TASP1: variants seen among roughly 807,000 people sequenced by gnomAD.
The protein encoded by TASP1 is taspase 1, also known as threonine aspartase 1.
Under a neutral mutation model 56.6 loss-of-function variants are expected in TASP1, and 16 were observed. The ratio of observed to expected loss-of-function variants is 0.28; its 90% CI spans 0.19 to 0.43. TASP1 has a LOEUF of 0.43. Ranked by LOEUF, TASP1 falls within the 20% of genes least tolerant of loss-of-function variation. The probability of loss-of-function intolerance (pLI) is 1.00; values close to 1 mark genes in which losing one functional copy is unlikely to be tolerated. For synonymous variants in TASP1, 179 were observed against 184.2 expected, an observed-to-expected ratio of 0.97 and a Z score of 0.23; for missense variants, 393 against 511.6, an observed-to-expected ratio of 0.77 and a Z score of 2.24.
chr20:13,503,252 A>C (rs920417756), intron 10 of TASP1, among the ~76,000 whole-genome samples: 2 of 151,986 alleles, frequency 1.3e-5, no homozygotes, highest in African/African-American at 4.8e-5. Context: ...CAAATTCTCT[A>C]TTCACAACAC....
At chr20:13,170,928 C>T in the TASP1 span, among the ~76,000 whole-genome samples, 1 of 152,126 alleles carries the variant, frequency 6.6e-6, no homozygotes, top group Non-Finnish European at 1.5e-5. Context: ...GTAATGGCTT[C>T]GCTGTGATGA....
chr20:13,454,133 C>A (rs1403647155), intron 11 of TASP1, among the ~76,000 whole-genome samples: 2 of 151,632 alleles, frequency 1.3e-5, no homozygotes, highest in Admixed American at 6.6e-5. Flanking sequence ...AGGAGACAGA[C>A]AGTAATCACA....
At chr20:13,278,398 C>G in the TASP1 span, among the ~76,000 whole-genome samples, 66,485 of 151,970 alleles carry the variant, frequency 0.44, 15,833 homozygotes, top group African/African-American at 0.64. Flanking sequence ...GGGAAAGCCT[C>G]GTCTTGAGGA....
At chr20:13,519,512 G>C (rs1256374734) in intron 10 of TASP1, among the ~76,000 whole-genome samples, 1 of 152,094 alleles carries the variant, frequency 6.6e-6, no homozygotes, top group East Asian at 1.9e-4. Flanking sequence ...CAGAACCAAT[G>C]ACAAAAACCA....
At chr20:13,523,975 C>T (rs1341668986) in intron 10 of TASP1, among the ~76,000 whole-genome samples, 1 of 151,960 alleles carries the variant, frequency 6.6e-6, no homozygotes, top group African/African-American at 2.4e-5. Context: ...ACAGCAAGAT[C>T]CTGTCTCTAC....
At chr20:13,220,213 G>C in the TASP1 span, among the ~76,000 whole-genome samples, 2 of 152,206 alleles carry the variant, frequency 1.3e-5, no homozygotes, top group Non-Finnish European at 2.9e-5. Context: ...GTCCCGGCCG[G>C]ACTGAGCGTC....
the TASP1 span, among the ~76,000 whole-genome samples, chr20:13,337,089 G>T: frequency 3.3e-5 from 5 of 152,188 alleles, no homozygotes; most frequent in African/African-American, 1.2e-4. Context: ...AGGGATTCTG[G>T]GGTTTTGTAA....
the TASP1 span, among the ~76,000 whole-genome samples, chr20:13,137,944 G>C: frequency 6.6e-6 from 1 of 152,148 alleles, no homozygotes; most frequent in East Asian, 1.9e-4. Context: ...AACAGGTGCA[G>C]AGCCAAAACT....
chr20:13,529,100 A>G (rs1252769035), intron 9 of TASP1, among the ~76,000 whole-genome samples: 1 of 152,152 alleles, frequency 6.6e-6, no homozygotes, highest in African/African-American at 2.4e-5. Context: ...GTTCTGTACC[A>G]AAGGGCCCAA....
At chr20:13,626,244 G>A (rs970865602) in intron 2 of TASP1, among the ~76,000 whole-genome samples, 6 of 152,110 alleles carry the variant, frequency 3.9e-5, no homozygotes, top group African/African-American at 1.4e-4. Flanking sequence ...GGCCAACATG[G>A]AGAAACCCCA....
At chr20:13,622,325 G>C (rs182613773) in intron 4 of TASP1, among the ~76,000 whole-genome samples, 1 of 152,326 alleles carries the variant, frequency 6.6e-6, no homozygotes, top group Admixed American at 6.5e-5. Flanking sequence ...ATGACTGGTA[G>C]AGCTGGTATG....
At chr20:13,408,991 TTTGA>T (rs1318241190) in intron 13 of TASP1, among the ~76,000 whole-genome samples, 2 of 152,078 alleles carry the variant, frequency 1.3e-5, no homozygotes, top group African/African-American at 4.8e-5. Flanking sequence ...GCATTCTTAT[TTTGA>T]TTATTTTCTA....
the TASP1 span, among the ~76,000 whole-genome samples, chr20:13,104,805 G>C: frequency 6.6e-6 from 1 of 152,050 alleles, no homozygotes; most frequent in Non-Finnish European, 1.5e-5. Context: ...TTTAATTTCC[G>C]TATCTCAGAA....
Position 13,390,327 on chromosome 20 carries a change from G to A in TASP1, c.*33C>T. ...CCCCCAAAAGCTCAGGTTCTGAAAT[G>A]CCTCTGAGACGCTTCACACTCAGCC... On this transcript the variant is annotated 3_prime_UTR_variant, in exon 14 of 14. Transcript: ENST00000337743. 1.9e-6 allele frequency: 3 copies of A among 1,591,574 alleles called. No homozygotes were observed. Among genetic ancestry groups the A allele is most frequent in the Non-Finnish European group, 2.6e-6 (3 of 1,161,834 alleles).
chr20:13,533,517 T>C (rs1408630925), intron 9 of TASP1, among the ~76,000 whole-genome samples: 1 of 152,160 alleles, frequency 6.6e-6, no homozygotes, highest in African/African-American at 2.4e-5. Context: ...AGTGGTATCA[T>C]GTGTTGGTGA....
At chr20:13,377,219 T>C in the TASP1 span, among the ~76,000 whole-genome samples, 1 of 152,224 alleles carries the variant, frequency 6.6e-6, no homozygotes, top group Admixed American at 6.5e-5. Context: ...TTGCCATAAA[T>C]AGCTCTTATT....
At chr20:13,303,080 C>T in the TASP1 span, among the ~76,000 whole-genome samples, 2 of 152,192 alleles carry the variant, frequency 1.3e-5, no homozygotes, top group East Asian at 3.9e-4. Flanking sequence ...ATTATTACAT[C>T]CAGTCTATAG....
intron 4 of TASP1, among the ~76,000 whole-genome samples, chr20:13,599,753 A>G (rs756494310): frequency 3.3e-5 from 5 of 152,036 alleles, no homozygotes; most frequent in Non-Finnish European, 7.4e-5. Context: ...GTAGATACAG[A>G]TAAAGAGGCT....
At chr20:13,183,404 T>C in the TASP1 span, among the ~76,000 whole-genome samples, 1 of 152,208 alleles carries the variant, frequency 6.6e-6, no homozygotes, top group Non-Finnish European at 1.5e-5. Flanking sequence ...AATGTTTGGG[T>C]TGATTTGTTA....
Sources: allele counts gnomAD v4.1 joint callset (sites outside exome capture counted in the v4.1 genomes callset), GRCh38; gene constraint gnomAD v4.1.1; transcripts MANE v1.5; gene names NCBI Gene and HGNC (gene_info 2026-07-23, HGNC 2026-07-21).